Variants in SLC24A3 observed in about 807,000 individuals in gnomAD.
SLC24A3 encodes sodium/potassium/calcium exchanger 3.
Under a neutral mutation model 75.8 loss-of-function variants are expected in SLC24A3, and 28 were observed. The observed-to-expected ratio is 0.37, with a 90% CI of 0.27 to 0.51. The LOEUF (loss-of-function observed/expected upper bound fraction) is 0.51, where lower values mean the gene tolerates loss of function less well. Ranked by LOEUF, SLC24A3 falls within the 20% of genes least tolerant of loss-of-function variation. SLC24A3 has a pLI of 0.94. For missense variants in SLC24A3, 663 were observed against 847.8 expected, an observed-to-expected ratio of 0.78 and a Z score of 2.71; for synonymous variants, 372 against 334.1, an observed-to-expected ratio of 1.11 and a Z score of -1.24.
intron 13 of SLC24A3, 102 bp from the exon 14 acceptor site, chr20:19,696,695 A>G (rs1271715681): frequency 5.3e-6 from 4 of 755,770 alleles, no homozygotes; most frequent in Non-Finnish European, 2.3e-6. Context: ...CCCCACAGAG[A>G]TAGCCCAGAC....
Position 19,542,547 on chromosome 20 carries a change from C to T in SLC24A3, c.348+26983C>T, listed in dbSNP as rs140746939. ...AACATTAGAGTATCAGTAGAATCTG[C>T]GTCTGGGGGCTGATAGTCACCCCAG... On this transcript the variant is annotated intron_variant, in intron 3 of 16. Transcript: ENST00000328041. Among the ~76,000 whole-genome samples, 915 of 152,302 alleles carry T rather than the reference C, an allele frequency of 6.0e-3. 6 individuals are homozygous for T. The highest frequency in any genetic ancestry group is 0.027 in the Middle Eastern group (8 of 294).
chr20:19,358,766 G>A (rs1034812657), intron 2 of SLC24A3, among the ~76,000 whole-genome samples: 3 of 152,138 alleles, frequency 2.0e-5, no homozygotes, highest in Admixed American at 1.3e-4. Context: ...GTTAGCAGTC[G>A]CTCCCCACTT....
At chr20:19,663,795 T>A (rs1241429338) in intron 7 of SLC24A3, among the ~76,000 whole-genome samples, 1 of 152,116 alleles carries the variant, frequency 6.6e-6, no homozygotes, top group Non-Finnish European at 1.5e-5. Context: ...GTGCTCCTGT[T>A]TGGGGTCCCT....
intron 2 of SLC24A3, among the ~76,000 whole-genome samples, chr20:19,291,351 A>G (rs1983937472): frequency 6.6e-6 from 1 of 152,164 alleles, no homozygotes; most frequent in African/African-American, 2.4e-5. Flanking sequence ...AGGGCTGTGA[A>G]GGTCAGGGAT....
intron 2 of SLC24A3, among the ~76,000 whole-genome samples, chr20:19,369,051 T>A (rs1483976170): frequency 6.6e-6 from 1 of 152,214 alleles, no homozygotes; most frequent in Admixed American, 6.5e-5. Flanking sequence ...TCATCATAAT[T>A]GTTTCAAGCA....
At chr20:19,213,099 C>G in intron 1 of SLC24A3, 115 bp downstream of exon 1, 5 of 1,117,066 alleles carry the variant, frequency 4.5e-6, no homozygotes, top group Non-Finnish European at 5.5e-6. Context: ...GATAAGCGGG[C>G]TGGGTTGGCG....
At chr20:19,237,682 C>A (rs1982205332) in intron 1 of SLC24A3, among the ~76,000 whole-genome samples, 1 of 152,186 alleles carries the variant, frequency 6.6e-6, no homozygotes, top group Non-Finnish European at 1.5e-5. Context: ...ACAGCATGAG[C>A]ATTGACCTGT....
intron 2 of SLC24A3, among the ~76,000 whole-genome samples, chr20:19,424,554 AGTG>A (rs968376005): frequency 7.9e-5 from 12 of 151,798 alleles, no homozygotes; most frequent in Non-Finnish European, 1.3e-4. Flanking sequence ...GCCGAGTGGT[AGTG>A]GTGTGTGCCT....
intron 2 of SLC24A3, among the ~76,000 whole-genome samples, chr20:19,499,148 C>T (rs567308068): frequency 3.3e-5 from 5 of 152,250 alleles, no homozygotes; most frequent in Admixed American, 6.5e-5. Flanking sequence ...TACCTGAGGC[C>T]GGTCAACGCC....
intron 2 of SLC24A3, among the ~76,000 whole-genome samples, chr20:19,358,781 A>G (rs996828828): frequency 6.6e-6 from 1 of 152,134 alleles, no homozygotes; most frequent in Non-Finnish European, 1.5e-5. Flanking sequence ...CCACTTCCCC[A>G]GTTCCCAGGC....
chr20:19,521,301 C>G (rs1044164203), intron 3 of SLC24A3, among the ~76,000 whole-genome samples: 3 of 152,320 alleles, frequency 2.0e-5, no homozygotes, highest in Non-Finnish European at 4.4e-5. Context: ...CCAGAAGTCT[C>G]TAATTATTGG....
chr20:19,224,385 CA>C (rs1338265440), intron 1 of SLC24A3, among the ~76,000 whole-genome samples: 1 of 152,138 alleles, frequency 6.6e-6, no homozygotes, highest in Admixed American at 6.5e-5. Context: ...GCACTCTACA[CA>C]AAGGATTTCT....
chr20:19,541,234 A>G (rs2030490494), intron 3 of SLC24A3, among the ~76,000 whole-genome samples: 1 of 152,234 alleles, frequency 6.6e-6, no homozygotes, highest in African/African-American at 2.4e-5. Flanking sequence ...TCTTAATAGT[A>G]ATGGTAATAA....
intron 6 of SLC24A3, among the ~76,000 whole-genome samples, chr20:19,644,688 CCAAA>C (rs2032114567): frequency 6.6e-6 from 1 of 152,096 alleles, no homozygotes; most frequent in African/African-American, 2.4e-5. Context: ...ACAGATAACC[CCAAA>C]CAGTGTTTTT....
intron 2 of SLC24A3, among the ~76,000 whole-genome samples, chr20:19,409,192 C>T (rs1189693473): frequency 6.6e-6 from 1 of 152,122 alleles, no homozygotes; most frequent in East Asian, 1.9e-4. Flanking sequence ...GACTGAATTA[C>T]AAGGAGACAC....
intron 15 of SLC24A3, among the ~76,000 whole-genome samples, chr20:19,709,928 G>A (rs2032971602): frequency 6.6e-6 from 1 of 152,150 alleles, no homozygotes; most frequent in Non-Finnish European, 1.5e-5. Flanking sequence ...AATGACTAAA[G>A]GACTTAGGGA....
chr20:19,512,831 C>T (rs1452604366), intron 2 of SLC24A3, among the ~76,000 whole-genome samples: 3 of 152,210 alleles, frequency 2.0e-5, no homozygotes, highest in African/African-American at 7.2e-5. Flanking sequence ...AAGTAAAGAG[C>T]TAACTGGATG....
At chr20:19,404,467 G>T (rs1986606874) in intron 2 of SLC24A3, among the ~76,000 whole-genome samples, 1 of 152,182 alleles carries the variant, frequency 6.6e-6, no homozygotes, top group African/African-American at 2.4e-5. Flanking sequence ...TGTAAGTAGG[G>T]CTTGCAAAGG....
At chr20:19,469,322 G>A (rs550620687) in intron 2 of SLC24A3, among the ~76,000 whole-genome samples, 1 of 152,248 alleles carries the variant, frequency 6.6e-6, no homozygotes, top group South Asian at 2.1e-4. Context: ...TGGCAGCAGT[G>A]GGGAGCTTTG....
Sources: gnomAD v4.1 joint callset for allele counts (sites outside exome capture counted in the v4.1 genomes callset) on GRCh38, gnomAD v4.1.1 for gene constraint, MANE v1.5 for transcripts, NCBI Gene and HGNC (gene_info 2026-07-23, HGNC 2026-07-21) for gene names.